Variants in MECOM observed in about 807,000 individuals in gnomAD.
MECOM encodes histone-lysine N-methyltransferase MECOM.
A neutral mutation model predicts 116.3 loss-of-function variants in MECOM; 13 were observed. The ratio of observed to expected loss-of-function variants is 0.11; its 90% CI spans 0.07 to 0.18. The LOEUF (loss-of-function observed/expected upper bound fraction) is 0.18, where lower values mean the gene tolerates loss of function less well. MECOM is among the 10% of genes least tolerant of loss of function. MECOM has a pLI of 1.00. For missense variants in MECOM, 1,299 were observed against 1,509.0 expected, an observed-to-expected ratio of 0.86 and a Z score of 2.31; for synonymous variants, 528 against 535.2, an observed-to-expected ratio of 0.99 and a Z score of 0.19.
chr3:169,506,347 C>T (rs905710301), intron 1 of MECOM, among the ~76,000 whole-genome samples: 10 of 152,274 alleles, frequency 6.6e-5, no homozygotes, highest in East Asian at 1.9e-4. Context: ...GCCACATCCC[C>T]GCTGGTGCCG....
intron 3 of MECOM, among the ~76,000 whole-genome samples, chr3:169,140,145 T>G (rs1737671332): frequency 6.6e-6 from 1 of 152,076 alleles, no homozygotes; most frequent in Admixed American, 6.6e-5. Flanking sequence ...TCTCTGCTTT[T>G]GCTCCTACCC....
At chr3:169,450,048 T>A (rs1745286244) in intron 1 of MECOM, among the ~76,000 whole-genome samples, 1 of 152,198 alleles carries the variant, frequency 6.6e-6, no homozygotes, top group Non-Finnish European at 1.5e-5. Flanking sequence ...AACTCATAAT[T>A]TGGACAAGAG....
intron 1 of MECOM, among the ~76,000 whole-genome samples, chr3:169,594,844 T>C (rs1050794894): frequency 7.8e-6 from 1 of 128,630 alleles, no homozygotes; most frequent in Admixed American, 8.8e-5. Flanking sequence ...CAAATAAACG[T>C]CACAGAATCT....
intron 2 of MECOM, among the ~76,000 whole-genome samples, chr3:169,187,787 GTTGT>G (rs752817671): frequency 4.7e-4 from 72 of 152,084 alleles, no homozygotes; most frequent in Non-Finnish European, 8.8e-4. Flanking sequence ...ACAGGAAGAA[GTTGT>G]TTAAGACTGT....
intron 2 of MECOM, among the ~76,000 whole-genome samples, chr3:169,216,725 A>T (rs1281681518): frequency 1.3e-5 from 2 of 152,178 alleles, no homozygotes; most frequent in Admixed American, 6.5e-5. Context: ...TATATTGTTA[A>T]GTAAGAAAAA....
At chr3:169,496,326 T>C (rs1753809788) in intron 1 of MECOM, among the ~76,000 whole-genome samples, 1 of 152,250 alleles carries the variant, frequency 6.6e-6, no homozygotes, top group African/African-American at 2.4e-5. Flanking sequence ...AACGTGCATA[T>C]GGAAATTATT....
At position 169,478,442 on chromosome 3, in the gene MECOM, G is replaced by A. The variant is rs78493537; in HGVS notation, c.38-96918C>T. Among the ~76,000 whole-genome samples the A allele has an allele frequency of 2.7e-3, 417 of 152,122 alleles. 1 individual carries two copies. Among genetic ancestry groups the A allele is most frequent in the Middle Eastern group, 6.8e-3 (2 of 294 alleles). ...TTCCCATTACTTGTTAATAGCTATT[G>A]TGCAGATAAAAATGCCTCAGAGTGA... is the stretch of plus-strand genomic sequence containing the variant. On this transcript the variant is annotated intron_variant, in intron 1 of 16. Coordinates refer to ENST00000651503, the MANE Select transcript of MECOM (RefSeq NM_004991.4).
At chr3:169,246,121 A>G (rs1755554037) in intron 2 of MECOM, among the ~76,000 whole-genome samples, 1 of 152,230 alleles carries the variant, frequency 6.6e-6, no homozygotes, top group African/African-American at 2.4e-5. Flanking sequence ...TTTGAGCCTA[A>G]TTAGAAAACA....
intron 1 of MECOM, among the ~76,000 whole-genome samples, chr3:169,615,787 C>A (rs1769921968): frequency 6.6e-6 from 1 of 152,232 alleles, no homozygotes; most frequent in African/African-American, 2.4e-5. Context: ...CCTCACTCTA[C>A]AAAAGTGCTA....
At chr3:169,635,956 A>G (rs958297827) in intron 1 of MECOM, among the ~76,000 whole-genome samples, 2 of 152,220 alleles carry the variant, frequency 1.3e-5, no homozygotes, top group African/African-American at 4.8e-5. Flanking sequence ...TTACATTTGT[A>G]TCTACTGAGA....
At chr3:169,322,272 G>A (rs543147132) in intron 2 of MECOM, among the ~76,000 whole-genome samples, 7 of 152,288 alleles carry the variant, frequency 4.6e-5, no homozygotes, top group Admixed American at 4.6e-4. Context: ...TATTTGAGAT[G>A]TGATGGAACC....
intron 10 of MECOM, 87 bp downstream of exon 10, chr3:169,107,839 T>C: frequency 2.7e-6 from 3 of 1,105,332 alleles, no homozygotes; most frequent in Non-Finnish European, 2.7e-6. Flanking sequence ...TTCAGAATTA[T>C]TTATGTCTGT....
chr3:169,258,264 T>G (rs1309990264), intron 2 of MECOM, among the ~76,000 whole-genome samples: 1 of 151,826 alleles, frequency 6.6e-6, no homozygotes, highest in Admixed American at 6.6e-5. Flanking sequence ...TTCCAGAAAA[T>G]GTATGACAAA....
intron 1 of MECOM, among the ~76,000 whole-genome samples, chr3:169,623,217 C>G (rs1770961699): frequency 6.6e-6 from 1 of 152,144 alleles, no homozygotes; most frequent in Admixed American, 6.5e-5. Flanking sequence ...GCATATAAAC[C>G]CAATGACCAT....
chr3:169,494,351 G>C (rs966111240), intron 1 of MECOM, among the ~76,000 whole-genome samples: 2 of 152,064 alleles, frequency 1.3e-5, no homozygotes, highest in African/African-American at 2.4e-5. Context: ...TGGCTCCCAA[G>C]GGCGTAAGGC....
chr3:169,380,886 C>T (rs1204972885), intron 2 of MECOM, among the ~76,000 whole-genome samples: 1 of 152,174 alleles, frequency 6.6e-6, no homozygotes, highest in African/African-American at 2.4e-5. Flanking sequence ...ACATGCTACA[C>T]ATGGTCATAG....
At chr3:169,591,159 C>T (rs564816539) in intron 1 of MECOM, among the ~76,000 whole-genome samples, 1 of 152,286 alleles carries the variant, frequency 6.6e-6, no homozygotes, top group African/African-American at 2.4e-5. Context: ...CCAGACCCTA[C>T]CAGGACTGTG....
At chr3:169,657,521 T>C (rs1019248588) in intron 1 of MECOM, among the ~76,000 whole-genome samples, 2 of 152,110 alleles carry the variant, frequency 1.3e-5, no homozygotes, top group African/African-American at 4.8e-5. Flanking sequence ...TTAAATAGAG[T>C]CTGGGAATTC....
chr3:169,585,307 A>T (rs557293711), intron 1 of MECOM, among the ~76,000 whole-genome samples: 1 of 152,346 alleles, frequency 6.6e-6, no homozygotes, highest in Admixed American at 6.5e-5. Context: ...GCAATTGAAT[A>T]GTGCTGAATC....
Sources: allele counts gnomAD v4.1 joint callset (sites outside exome capture counted in the v4.1 genomes callset), GRCh38; gene constraint gnomAD v4.1.1; transcripts MANE v1.5; gene names NCBI Gene and HGNC (gene_info 2026-07-23, HGNC 2026-07-21).